The following USP8 variants were observed in gnomAD, a reference collection of about 807,000 sequenced individuals.
USP8 encodes the protein ubiquitin specific peptidase 8.
Under a neutral mutation model 130.0 loss-of-function variants are expected in USP8, and 27 were observed. The observed-to-expected ratio is 0.21, with a 90% CI of 0.15 to 0.29. The LOEUF is 0.29. USP8 is among the 10% of genes least tolerant of loss of function. The pLI is 1.00. For missense variants in USP8, 1,029 were observed against 1,312.2 expected (o/e 0.78, Z 3.33); for synonymous variants, 392 against 444.1 (o/e 0.88, Z 1.48).
At chr15:50,493,836 G>A in intron 15 of USP8, 1 of 664,564 alleles carries the variant, frequency 1.5e-6, no homozygotes, top group South Asian at 1.5e-5. Flanking sequence ...ATGAACTGGA[G>A]CCTGTTGATG....
intron 1 of USP8, among the ~76,000 whole-genome samples, chr15:50,428,006 C>T (rs1045724073): frequency 2.2e-4 from 34 of 151,384 alleles, no homozygotes; most frequent in Admixed American, 4.6e-4. Flanking sequence ...TGCAGGCACA[C>T]GCCAGCACAC....
At chr15:50,463,781 C>G (rs1238487767) in intron 6 of USP8, among the ~76,000 whole-genome samples, 1 of 152,190 alleles carries the variant, frequency 6.6e-6, no homozygotes, top group Non-Finnish European at 1.5e-5. Flanking sequence ...TACTTTTCTT[C>G]TCACAGCTCA....
intron 6 of USP8, among the ~76,000 whole-genome samples, chr15:50,464,347 G>C (rs1248009854): frequency 1.3e-5 from 2 of 152,140 alleles, no homozygotes; most frequent in African/African-American, 2.4e-5. Context: ...AACTTTTCCA[G>C]AATTTTAGAA....
At position 50,508,834 on chromosome 15, in the gene USP8, T is replaced by TA. The variant is rs35117732; in HGVS notation, c.*9757dup. 1.3e-3 allele frequency: 184 copies of TA among 144,198 alleles called. 2 individuals carry two copies. The highest frequency in any genetic ancestry group is 6.9e-3 in the Middle Eastern group (2 of 288). 8.9% of individuals were successfully genotyped at this position (144,198 alleles called of 1,614,324 possible). On this transcript the variant is annotated 3_prime_UTR_variant, in exon 20 of 20. Transcript: ENST00000307179. ...GCAACATGGCAAAACCCCGTCTCTA[T>TA]AAAAAAAAAAAGAGTACAGGCCAGG...
At chr15:50,468,018 T>A (rs939462287) in intron 7 of USP8, among the ~76,000 whole-genome samples, 1 of 151,634 alleles carries the variant, frequency 6.6e-6, no homozygotes, top group Non-Finnish European at 1.5e-5. Context: ...AACTGCAGCC[T>A]CCACCTCCCG....
At chr15:50,454,512 G>A (rs757327969) in intron 4 of USP8, among the ~76,000 whole-genome samples, 1 of 147,642 alleles carries the variant, frequency 6.8e-6, no homozygotes. Context: ...GGAGTGCAGT[G>A]GCACACGATC....
chr15:50,449,045 G>T (rs2050528206), intron 3 of USP8, among the ~76,000 whole-genome samples: 1 of 152,106 alleles, frequency 6.6e-6, no homozygotes, highest in Admixed American at 6.6e-5. Flanking sequence ...TGAGACTGGA[G>T]AAAAAACTAG....
intron 16 of USP8, 90 bp from the exon 17 acceptor site, chr15:50,495,758 T>C (rs17645290): frequency 0.19 from 197,124 of 1,037,438 alleles, 20,853 homozygotes; most frequent in East Asian, 0.41. Context: ...TGTTTCTAAA[T>C]CTGGCAAGTG....
chr15:50,451,574 A>G (rs2050630510), intron 4 of USP8, among the ~76,000 whole-genome samples: 1 of 152,190 alleles, frequency 6.6e-6, no homozygotes, highest in African/African-American at 2.4e-5. Flanking sequence ...AAGGCTTTTT[A>G]AATGTACTTT....
intron 12 of USP8, 139 bp downstream of exon 12, chr15:50,484,500 G>GT: frequency 1.5e-6 from 1 of 651,174 alleles, no homozygotes; most frequent in Non-Finnish European, 2.5e-6. Context: ...GGTAGCTGGT[G>GT]TTTTGCTTGT....
chr15:50,432,265 T>TA (rs2049957070), intron 1 of USP8: 1 of 152,218 alleles, frequency 6.6e-6, no homozygotes, highest in African/African-American at 2.4e-5. Context: ...AAATTTTTTG[T>TA]AAAATTTTTT....
At chr15:50,441,961 C>G (rs1000524838) in intron 3 of USP8, among the ~76,000 whole-genome samples, 5 of 148,008 alleles carry the variant, frequency 3.4e-5, no homozygotes, top group African/African-American at 1.0e-4. Flanking sequence ...ACTGATCACT[C>G]CCTAAATCTT....
rs566852644 is a variant in USP8 at position 50,503,514 on chromosome 15, C to T, written c.*4426C>T. ...GTTGGATTGAGATCCACATACAAAG[C>T]CAGGACCTTTAAAGACATTCACCCT... On this transcript the variant is annotated 3_prime_UTR_variant, in exon 20 of 20. Coordinates refer to ENST00000307179, the MANE Select transcript of USP8 (RefSeq NM_005154.5). The T allele has an allele frequency of 6.6e-6, 1 of 152,296 alleles. No individual in the cohort carries two copies. The highest frequency in any genetic ancestry group is 2.1e-4 in the South Asian group (1 of 4,826). The allele number at this position is 152,296 out of a possible 1,614,324, so 9.4% of individuals were successfully genotyped here. A position where few individuals can be genotyped will look rare whatever the true frequency, so the allele number is the denominator to read the frequency against.
intron 1 of USP8, among the ~76,000 whole-genome samples, chr15:50,431,049 T>C (rs1297117741): frequency 1.3e-5 from 2 of 152,034 alleles, no homozygotes; most frequent in Non-Finnish European, 2.9e-5. Flanking sequence ...AAAATGTGAG[T>C]GATGGCAAGG....
intron 14 of USP8, among the ~76,000 whole-genome samples, chr15:50,491,999 C>G (rs541280725): frequency 1.2e-3 from 178 of 152,186 alleles, no homozygotes; most frequent in Middle Eastern, 3.4e-3. Context: ...GTAGCTGGGA[C>G]TATAGACGTC....
At chr15:50,455,206 A>G (rs1005742632) in intron 4 of USP8, among the ~76,000 whole-genome samples, 1 of 150,986 alleles carries the variant, frequency 6.6e-6, no homozygotes, top group East Asian at 2.0e-4. Flanking sequence ...CTCCTGAACA[A>G]CTGGAACTAC....
chr15:50,470,977 G>C (rs2051358409), intron 7 of USP8, among the ~76,000 whole-genome samples: 1 of 152,166 alleles, frequency 6.6e-6, no homozygotes, highest in South Asian at 2.1e-4. Context: ...ACAGTTGACG[G>C]TTTTAAGAGG....
At chr15:50,447,280 G>A (rs2050473366) in intron 3 of USP8, among the ~76,000 whole-genome samples, 3 of 152,158 alleles carry the variant, frequency 2.0e-5, no homozygotes. Context: ...TTGCTCTGTT[G>A]CCCAGACTGG....
chr15:50,487,169 T>C (rs1352275780), intron 12 of USP8, among the ~76,000 whole-genome samples: 2 of 151,284 alleles, frequency 1.3e-5, no homozygotes, highest in Non-Finnish European at 1.5e-5. Context: ...ATATCACCTG[T>C]ACCCCAATAA....
Sources: allele counts gnomAD v4.1 joint callset (sites outside exome capture counted in the v4.1 genomes callset), GRCh38; gene constraint gnomAD v4.1.1; transcripts MANE v1.5; gene names NCBI Gene and HGNC (gene_info 2026-07-23, HGNC 2026-07-21).